CSNK1G3: variants seen among roughly 807,000 people sequenced by gnomAD.
CSNK1G3 encodes casein kinase 1 gamma 3.
Under a neutral mutation model 64.3 loss-of-function variants are expected in CSNK1G3, and 23 were observed. That is an observed-to-expected ratio of 0.36 (90% CI 0.26 to 0.51). The LOEUF (loss-of-function observed/expected upper bound fraction) is 0.51, where lower values mean the gene tolerates loss of function less well. Among genes scored for constraint, CSNK1G3 ranks in the 20% least tolerant of loss-of-function variants. The pLI is 0.96. For synonymous variants in CSNK1G3, 158 were observed against 162.2 expected (o/e 0.97, Z 0.20); for missense variants, 357 against 510.5 (o/e 0.70, Z 2.90).
At chr5:123,589,978 A>T (rs918706284) in intron 8 of CSNK1G3, among the ~76,000 whole-genome samples, 1 of 152,102 alleles carries the variant, frequency 6.6e-6, no homozygotes, top group African/African-American at 2.4e-5. Context: ...TTCTAAAGGA[A>T]ATCCAGCAAG....
At chr5:123,529,813 A>G (rs1779642342) in intron 1 of CSNK1G3, among the ~76,000 whole-genome samples, 1 of 152,086 alleles carries the variant, frequency 6.6e-6, no homozygotes, top group Non-Finnish European at 1.5e-5. Context: ...GGGTTTAGGT[A>G]CAGTAAATGC....
rs534413282 is a variant in CSNK1G3, at chr5:123,590,308, T to C, written c.845-105T>C. 47 of 477,576 alleles carry C rather than the reference T, an allele frequency of 9.8e-5. No individual in the cohort carries two copies. In the East Asian group the frequency reaches 1.6e-3, roughly 16 times the overall value. The allele number at this position is 477,576 out of a possible 1,614,324, so 29.6% of individuals were successfully genotyped here. On this transcript the variant is annotated intron_variant, in intron 8 of 12. Transcript: ENST00000345990. ...TAAATTGCAATGTAATTTTGTTACT[T>C]TTCAAGTGTTTTTATATAATACAAT...
intron 4 of CSNK1G3, among the ~76,000 whole-genome samples, chr5:123,571,973 T>C (rs1296724226): frequency 6.6e-6 from 1 of 152,214 alleles, no homozygotes; most frequent in East Asian, 1.9e-4. Flanking sequence ...CAAGAGTTTT[T>C]AAAGGAAAAA....
intron 6 of CSNK1G3, among the ~76,000 whole-genome samples, chr5:123,578,967 A>G (rs1270784215): frequency 1.3e-5 from 2 of 152,008 alleles, no homozygotes; most frequent in Non-Finnish European, 2.9e-5. Context: ...TTCAGATACT[A>G]TTAGACATCT....
chr5:123,598,821 A>G (rs2151076824), intron 10 of CSNK1G3, among the ~76,000 whole-genome samples: 1 of 152,258 alleles, frequency 6.6e-6, no homozygotes, highest in Middle Eastern at 3.4e-3. Context: ...GCTGGACACT[A>G]GATTGAAAGG....
At chr5:123,542,076 A>G (rs1298311610) in intron 1 of CSNK1G3, among the ~76,000 whole-genome samples, 2 of 152,118 alleles carry the variant, frequency 1.3e-5, no homozygotes, top group Non-Finnish European at 2.9e-5. Context: ...CACAAATAGA[A>G]TATTTTCCCC....
At chr5:123,586,726 CAT>C (rs1028086577) in intron 6 of CSNK1G3, among the ~76,000 whole-genome samples, 2 of 152,120 alleles carry the variant, frequency 1.3e-5, no homozygotes, top group Non-Finnish European at 2.9e-5. Context: ...AAAACACAAA[CAT>C]AGTATCTTTA....
chr5:123,547,079 A>C (rs1035885578), intron 2 of CSNK1G3, among the ~76,000 whole-genome samples: 1 of 152,152 alleles, frequency 6.6e-6, no homozygotes, highest in Non-Finnish European at 1.5e-5. Flanking sequence ...TATTGTGTAT[A>C]ATTCTCACCA....
intron 12 of CSNK1G3, among the ~76,000 whole-genome samples, chr5:123,608,050 C>A (rs751074969): frequency 9.2e-5 from 14 of 152,112 alleles, no homozygotes; most frequent in Admixed American, 2.0e-4. Flanking sequence ...CTGCCCCAGC[C>A]CCCCCAGTAG....
rs1169596995 is a variant in CSNK1G3, at chr5:123,605,510, A to G, written c.1217+148A>G. ...TTCAAAAGTATTTGATATCATTAAG[A>G]TAGCTCTGAAAAGCAAGAAATAATT... On this transcript the variant is annotated intron_variant, in intron 12 of 12. Coordinates refer to ENST00000345990, the Ensembl canonical transcript of CSNK1G3. 3.3e-5 allele frequency: 29 copies of G among 877,390 alleles called. No individual in the cohort carries two copies. The East Asian group carries it at 5.2e-4, about 16-fold the overall frequency. The allele number at this position is 877,390 out of a possible 1,614,324, so 54.4% of individuals were successfully genotyped here.
rs906840323 is a variant in CSNK1G3 at position 123,581,619 on chromosome 5, T to C, written c.673+5656T>C. 3.9e-5 allele frequency among the ~76,000 whole-genome samples: 6 copies of C among 151,932 alleles called. 1 individual carries two copies. The East Asian group carries it at 1.2e-3, about 29-fold the overall frequency. On this transcript the variant is annotated intron_variant, in intron 6 of 12. Coordinates refer to ENST00000345990, the Ensembl canonical transcript of CSNK1G3. ...CTAAGTTTTGTTTATATTACTAGAT[T>C]AGGTGTTTAGATTAGTGAACTGTTC...
chr5:123,577,728 T>TA (rs1789464663), intron 6 of CSNK1G3, among the ~76,000 whole-genome samples: 1 of 151,936 alleles, frequency 6.6e-6, no homozygotes, highest in Non-Finnish European at 1.5e-5. Context: ...GTTTTTTTTT[T>TA]ATTGAAGTAA....
At chr5:123,578,433 T>C (rs1789592486) in intron 6 of CSNK1G3, among the ~76,000 whole-genome samples, 1 of 151,956 alleles carries the variant, frequency 6.6e-6, no homozygotes, top group African/African-American at 2.4e-5. Context: ...ATTGGCTATT[T>C]GTATATCTTC....
At chr5:123,552,679 C>T (rs563385280) in intron 2 of CSNK1G3, among the ~76,000 whole-genome samples, 6 of 152,028 alleles carry the variant, frequency 3.9e-5, no homozygotes, top group South Asian at 4.2e-4. Flanking sequence ...TAAATATGAG[C>T]CCTAGTAAGA....
At chr5:123,609,328 G>C (rs1795905579) in intron 12 of CSNK1G3, among the ~76,000 whole-genome samples, 1 of 152,126 alleles carries the variant, frequency 6.6e-6, no homozygotes, top group Non-Finnish European at 1.5e-5. Flanking sequence ...GGGTTCAGCA[G>C]ATTGCAGAAA....
exon 5 of CSNK1G3, chr5:123,573,509 C>T: frequency 6.2e-7 from 1 of 1,613,120 alleles, no homozygotes; most frequent in Non-Finnish European, 8.5e-7. Flanking sequence ...AACATTTTCT[C>T]TTAAAACAGT....
chr5:123,579,024 C>G lies in CSNK1G3; in HGVS notation c.673+3061C>G, dbSNP rs146746892. 3.3e-3 allele frequency among the ~76,000 whole-genome samples: 506 copies of G among 152,070 alleles called. 8 individuals are homozygous for G. Among genetic ancestry groups the G allele is most frequent in the African/African-American group, 0.012 (488 of 41,530 alleles). Reference sequence around the variant, plus strand: ...TGAACCAATCAGTATATATCCATCACTGCTGCTCAAAAGTACCTTCAAATA... The same window carrying G: ...TGAACCAATCAGTATATATCCATCAGTGCTGCTCAAAAGTACCTTCAAATA... On this transcript the variant is annotated intron_variant, in intron 6 of 12. Transcript: ENST00000345990.
chr5:123,548,947 C>G (rs918726981), intron 2 of CSNK1G3, among the ~76,000 whole-genome samples: 2 of 152,214 alleles, frequency 1.3e-5, no homozygotes, highest in Non-Finnish European at 2.9e-5. Flanking sequence ...GTTGTTTACT[C>G]TCATGATTGT....
At chr5:123,609,507 C>G (rs1193805111) in intron 12 of CSNK1G3, among the ~76,000 whole-genome samples, 1 of 152,070 alleles carries the variant, frequency 6.6e-6, no homozygotes. Flanking sequence ...CTTTGATAGT[C>G]TCTAGAACTG....
Sources: allele counts gnomAD v4.1 joint callset (sites outside exome capture counted in the v4.1 genomes callset), GRCh38; gene constraint gnomAD v4.1.1; transcripts MANE v1.5; gene names NCBI Gene and HGNC (gene_info 2026-07-23, HGNC 2026-07-21).